SULT1C3: variants seen among roughly 807,000 people sequenced by gnomAD.
SULT1C3 encodes the protein sulfotransferase 1C3.
In SULT1C3, 31 loss-of-function variants were observed where a neutral mutation model predicts 28.4. The observed-to-expected ratio is 1.09, with a 90% CI of 0.82 to 1.47. The LOEUF (loss-of-function observed/expected upper bound fraction) is 1.47. Among genes scored for constraint, SULT1C3 ranks in the 40% most tolerant of loss-of-function variants. The pLI is 0.00. For missense variants in SULT1C3, 307 were observed against 272.5 expected (o/e 1.13, Z -0.89); for synonymous variants, 106 against 92.2 (o/e 1.15, Z -0.86).
chr2:108,243,089 G>A (rs1349797516), intron 1 of SULT1C3, among the ~76,000 whole-genome samples: 1 of 152,146 alleles, frequency 6.6e-6, no homozygotes, highest in Non-Finnish European at 1.5e-5. Flanking sequence ...AAACCAATGA[G>A]CCTTAATTAG....
intron 2 of SULT1C3, 131 bp from the exon 3 acceptor site, chr2:108,252,234 T>A (rs1675747698): frequency 1.2e-6 from 1 of 806,532 alleles, no homozygotes; most frequent in Non-Finnish European, 1.9e-6. Flanking sequence ...ACAACAGTTT[T>A]CATTTCTGCC....
Position 108,255,608 on chromosome 2 carries a change from G to A in SULT1C3, c.436G>A (p.Val146Met). 1 of 1,611,720 alleles carries A rather than the reference G, an allele frequency of 6.2e-7. No individual in the cohort carries two copies. The highest frequency in any genetic ancestry group is 8.5e-7 in the Non-Finnish European group (1 of 1,178,468). ...YVARNPKDCL[V>M]SYYHFHRMAS... ...GGCCAGAAATCCCAAGGATTGCCTG[G>A]TGTCCTACTACCACTTTCACAGGAT... The change falls in exon 5 of 8, where the codon GTG becomes ATG. Residue 146 changes from valine to methionine, a missense_variant. Transcript: ENST00000681802.
chr2:108,245,286 A>G (rs1331267163), intron 1 of SULT1C3, among the ~76,000 whole-genome samples: 1 of 151,964 alleles, frequency 6.6e-6, no homozygotes, highest in Non-Finnish European at 1.5e-5. Flanking sequence ...GACCTCCTAG[A>G]CTTGTGTGGC....
downstream of SULT1C3, chr2:108,265,197 C>T (rs1371943021): frequency 6.3e-7 from 1 of 1,578,874 alleles, no homozygotes; most frequent in Non-Finnish European, 8.7e-7. Context: ...TTACCTCTCC[C>T]TCTACTCCTG....
chr2:108,241,124 G>A (rs1675452200), intron 1 of SULT1C3, among the ~76,000 whole-genome samples: 1 of 152,226 alleles, frequency 6.6e-6, no homozygotes, highest in African/African-American at 2.4e-5. Context: ...GGAACCCTGT[G>A]CCACACTGTG....
At position 108,255,651 on chromosome 2, in the gene SULT1C3, A is replaced by T. The variant is rs1438955464; in HGVS notation, c.479A>T (p.Asp160Val). 1 of 1,611,452 alleles carries T rather than the reference A, an allele frequency of 6.2e-7. No homozygotes were observed. Among genetic ancestry groups the T allele is most frequent in the Non-Finnish European group, 8.5e-7 (1 of 1,178,336 alleles). ...CACAGGATGGCTTCCTTTATGCCTG[A>T]TCCTCAGAACTTAGAGGAATTTTAT... ...HFHRMASFMP[D>V]PQNLEEFYEK... The change falls in exon 5 of 8, where the codon GAT becomes GTT. Residue 160 changes from aspartate (D) to valine (V), a missense_variant. Transcript: ENST00000681802.
intron 2 of SULT1C3, among the ~76,000 whole-genome samples, chr2:108,250,868 A>G (rs1336129748): frequency 1.3e-5 from 2 of 152,078 alleles, no homozygotes; most frequent in Non-Finnish European, 2.9e-5. Context: ...TTGTATTGAC[A>G]AAAACATAGA....
downstream of SULT1C3, chr2:108,264,792 A>T: frequency 6.3e-7 from 1 of 1,576,180 alleles, no homozygotes; most frequent in East Asian, 2.2e-5. Context: ...AAGACCCAAC[A>T]TGATTTGTTT....
chr2:108,252,143 TAGATTAGA>T (rs1387455700), intron 2 of SULT1C3, among the ~76,000 whole-genome samples: 1 of 136,730 alleles, frequency 7.3e-6, no homozygotes, highest in South Asian at 2.5e-4. Context: ...AAACAGATGA[TAGATTAGA>T]TAGATAGATA....
chr2:108,241,119 C>T (rs2104379804), intron 1 of SULT1C3, among the ~76,000 whole-genome samples: 1 of 152,336 alleles, frequency 6.6e-6, no homozygotes, highest in South Asian at 2.1e-4. Flanking sequence ...GGTTAGGAAC[C>T]CTGTGCCACA....
intron 2 of SULT1C3, among the ~76,000 whole-genome samples, chr2:108,250,362 T>G (rs1405637815): frequency 6.6e-6 from 1 of 151,974 alleles, no homozygotes; most frequent in Non-Finnish European, 1.5e-5. Flanking sequence ...AGTACTATAA[T>G]GAAATACCAC....
chr2:108,264,539 C>G (rs967151336), downstream of SULT1C3, among the ~76,000 whole-genome samples: 1 of 152,130 alleles, frequency 6.6e-6, no homozygotes, highest in Non-Finnish European at 1.5e-5. Context: ...TCTGTCTGTA[C>G]GTAGGCAGCA....
chr2:108,258,933 C>A, intron 6 of SULT1C3, 33 bp from the exon 7 acceptor site: 1 of 837,750 alleles, frequency 1.2e-6, no homozygotes, highest in South Asian at 1.6e-5. Context: ...TTCTTTCCTC[C>A]CTCTTCACAA....
downstream of SULT1C3, among the ~76,000 whole-genome samples, chr2:108,264,435 A>G (rs541201423): frequency 6.6e-6 from 1 of 152,262 alleles, no homozygotes; most frequent in South Asian, 2.1e-4. Context: ...TAGTTATACT[A>G]TGCTTCACCA....
chr2:108,248,211 G>A (rs1463341198), intron 2 of SULT1C3, among the ~76,000 whole-genome samples: 1 of 152,058 alleles, frequency 6.6e-6, no homozygotes, highest in Non-Finnish European at 1.5e-5. Flanking sequence ...GCCACATTTG[G>A]GACAGTTTGA....
chr2:108,258,051 T>C (rs1675922033), intron 5 of SULT1C3, among the ~76,000 whole-genome samples: 2 of 152,128 alleles, frequency 1.3e-5, no homozygotes. Context: ...TTCAGACGAA[T>C]CTTCAAGTCC....
chr2:108,247,088 A>C (rs554299222), intron 1 of SULT1C3, 100 bp from the exon 2 acceptor site: 2 of 867,024 alleles, frequency 2.3e-6, no homozygotes, highest in African/African-American at 3.5e-5. Context: ...CACTTATTTT[A>C]TGCTATTCTA....
At position 108,256,214 on chromosome 2, in the gene SULT1C3, C is replaced by T. The variant is rs1675864261; in HGVS notation, c.526+516C>T. On this transcript the variant is annotated intron_variant, in intron 5 of 7. Coordinates refer to ENST00000681802, the MANE Select transcript of SULT1C3 (RefSeq NM_001320878.2). Reference sequence around the variant, plus strand: ...CCTCATCCATTTATTAAGATCACACCTTCCAGAGAAGCAGTGAACACATTA... The same window carrying T: ...CCTCATCCATTTATTAAGATCACACTTTCCAGAGAAGCAGTGAACACATTA... 3.3e-5 allele frequency among the ~76,000 whole-genome samples: 5 copies of T among 152,104 alleles called. No individual in the cohort carries two copies. The South Asian group carries it at 1.0e-3, about 32-fold the overall frequency.
At chr2:108,264,728 C>T, downstream of SULT1C3, 2 of 1,209,592 alleles carry the variant, frequency 1.7e-6, no homozygotes, top group Middle Eastern at 2.0e-4. Flanking sequence ...TTCAAATGAT[C>T]CTTTAACTCA....
Sources: allele counts gnomAD v4.1 joint callset (sites outside exome capture counted in the v4.1 genomes callset), GRCh38; gene constraint gnomAD v4.1.1; transcripts MANE v1.5; gene names NCBI Gene and HGNC (gene_info 2026-07-23, HGNC 2026-07-21).